LTBP4: variants seen among roughly 807,000 people sequenced by gnomAD.
The protein encoded by LTBP4 is latent-transforming growth factor beta-binding protein 4.
LTBP4 carries 93 observed loss-of-function variants against 180.2 expected under a neutral mutation model. That is an observed-to-expected ratio of 0.52 (90% CI 0.44 to 0.61). The LOEUF is 0.61. Ranked by LOEUF, LTBP4 falls within the 20% of genes least tolerant of loss-of-function variation. The probability of loss-of-function intolerance (pLI) is 0.00; values close to 1 mark genes in which losing one functional copy is unlikely to be tolerated. For missense variants in LTBP4, 2,116 were observed against 2,256.5 expected (o/e 0.94, Z 1.26); for synonymous variants, 947 against 934.5 (o/e 1.01, Z -0.24).
intron 11 of LTBP4, 43 bp from the exon 12 acceptor site, chr19:40,610,489 G>A: frequency 6.4e-7 from 1 of 1,561,260 alleles, no homozygotes; most frequent in Admixed American, 1.8e-5. Flanking sequence ...GCTTCTCCCG[G>A]GGCTGTCTGC....
chr19:40,629,723 T>C lies in LTBP4; in HGVS notation c.*173T>C. 1 of 566,390 alleles carries C rather than the reference T, an allele frequency of 1.8e-6. No individual in the cohort carries two copies. Among genetic ancestry groups the C allele is most frequent in the Non-Finnish European group, 2.6e-6 (1 of 386,028 alleles). 35.1% of individuals were successfully genotyped at this position (566,390 alleles called of 1,614,324 possible). A position where few individuals can be genotyped will look rare whatever the true frequency, so the allele number is the denominator to read the frequency against. On this transcript the variant is annotated 3_prime_UTR_variant, in exon 30 of 30. Transcript: ENST00000396819. This position sits in a 1 kb window ranked among gnomAD's most constrained non-coding sequence, Gnocchi z 4.5. ...CACTGCTCCCGCCTCCACCAGCGCCTCCCACTGATGTCGTGGTCCCGGGCC... is the reference window on the plus strand; with the variant it reads ...CACTGCTCCCGCCTCCACCAGCGCCCCCCACTGATGTCGTGGTCCCGGGCC...
At chr19:40,593,177 A>G in exon 1 of LTBP4, 1 of 1,613,852 alleles carries the variant, frequency 6.2e-7, no homozygotes, top group Non-Finnish European at 8.5e-7. Flanking sequence ...TGGGAGACGT[A>G]AAAGGTGAGT....
rs773333742 is a variant in LTBP4 at position 40,606,484 on chromosome 19, C to T, written c.949C>T (p.Pro317Ser). The change falls in exon 6 of 30, where the codon CCC (proline) becomes TCC (serine). Residue 317 changes from proline to serine, a missense_variant. Physicochemically the swap from Pro to Ser is moderately conservative, Grantham distance 74. Around this residue, in one of 5 missense-constraint regions of LTBP4, gnomAD observed 469 missense variants for 532.5 expected, o/e 0.88. Coordinates refer to ENST00000396819, the MANE Select transcript of LTBP4 (RefSeq NM_001042545.2). ...NTRGGYTCVC[P>S]DGFLLDSSRS... ...GCGCGGCGGGTACACGTGTGTGTGCCCCGACGGCTTTCTGCTCGACTCGTC... is the reference window on the plus strand; with the variant it reads ...GCGCGGCGGGTACACGTGTGTGTGCTCCGACGGCTTTCTGCTCGACTCGTC... 5 of 1,578,356 alleles carry T rather than the reference C, an allele frequency of 3.2e-6. No homozygotes were observed. In the South Asian group the frequency reaches 5.8e-5, roughly 18 times the overall value.
upstream of LTBP4, among the ~76,000 whole-genome samples, chr19:40,598,937 A>AT (rs747063187): frequency 5.3e-5 from 8 of 152,260 alleles, no homozygotes; most frequent in South Asian, 2.1e-4. Context: ...AAAATAACGT[A>AT]TTTTTTCAAT....
At chr19:40,625,305 TATATA>T (rs2081624130) in intron 26 of LTBP4, among the ~76,000 whole-genome samples, 5 of 28,926 alleles carry the variant, frequency 1.7e-4, no homozygotes, top group Non-Finnish European at 2.7e-4. Flanking sequence ...TATATATATA[TATATA>T]TATATATTTT....
At chr19:40,594,716 G>A (rs914114418) in intron 1 of LTBP4, among the ~76,000 whole-genome samples, 1 of 152,158 alleles carries the variant, frequency 6.6e-6, no homozygotes, top group Non-Finnish European at 1.5e-5. Flanking sequence ...GAGTGTGAGT[G>A]CCGTCGTCAC....
chr19:40,619,532 C>G, intron 22 of LTBP4, 39 bp downstream of exon 22: 1 of 1,558,596 alleles, frequency 6.4e-7, no homozygotes, highest in Non-Finnish European at 8.7e-7. Context: ...GGCGGCTGGC[C>G]CCATGGGAAA....
rs1055319617 is a variant in LTBP4 at position 40,609,448 on chromosome 19, T to G, written c.1427-82T>G. ...CATCCATGAAGGTGTTTTATGGATGTCTCCGGGGGTGGGGGTTTTACTGGG... is the reference window on the plus strand; with the variant it reads ...CATCCATGAAGGTGTTTTATGGATGGCTCCGGGGGTGGGGGTTTTACTGGG... On this transcript the variant is annotated intron_variant, in intron 9 of 29. Transcript: ENST00000396819. The surrounding 1 kb of genome is among the most constrained non-coding windows in gnomAD (Gnocchi z 4.9). 21 of 1,549,210 alleles carry G rather than the reference T, an allele frequency of 1.4e-5. No homozygotes were observed. In the Admixed American group the frequency reaches 3.0e-4, roughly 22 times the overall value.
At chr19:40,625,300 ATATATATATATATATATTTT>A (rs1568414566) in intron 26 of LTBP4, among the ~76,000 whole-genome samples, 1 of 11,520 alleles carries the variant, frequency 8.7e-5, no homozygotes, top group Admixed American at 8.7e-4. Flanking sequence ...ATATATATAT[ATATATATATATATATATTTT>A]TTTTTTTAAA....
In LTBP4 at chr19:40,622,797, C is replaced by T; in HGVS notation, c.3484+130C>T. ...CTAGTACTGTCAGGGCAAGGGCGAGCTGCCAGGCAGGTGGGCATGGGCAGA... is the reference window on the plus strand; with the variant it reads ...CTAGTACTGTCAGGGCAAGGGCGAGTTGCCAGGCAGGTGGGCATGGGCAGA... On this transcript the variant is annotated intron_variant, in intron 23 of 29. Transcript: ENST00000396819. The surrounding 1 kb of genome is among the most constrained non-coding windows in gnomAD (Gnocchi z 5.1). The T allele has an allele frequency of 7.1e-7, 1 of 1,418,020 alleles. No homozygotes were observed. The highest frequency in any genetic ancestry group is 9.5e-7 in the Non-Finnish European group (1 of 1,055,866). 87.8% of individuals were successfully genotyped at this position (1,418,020 alleles called of 1,614,324 possible).
At chr19:40,597,371 G>T (rs1274603009), upstream of LTBP4, 5 of 1,515,138 alleles carry the variant, frequency 3.3e-6, no homozygotes, top group Non-Finnish European at 4.4e-6. Flanking sequence ...GTCCCCAGCC[G>T]CCCGGCCAGG....
intron 24 of LTBP4, 38 bp from the exon 25 acceptor site, chr19:40,623,566 C>T (rs1401615385): frequency 6.3e-7 from 1 of 1,595,986 alleles, no homozygotes; most frequent in Non-Finnish European, 8.5e-7. Flanking sequence ...CTCCACCCAT[C>T]CAGCCCGCCC....
rs372312814 is a variant in LTBP4, at chr19:40,613,994, G to A, written c.2636G>A (p.Cys879Tyr). Residue 879 changes from cysteine to tyrosine, a missense_variant, in exon 18 of 30, where the codon TGT becomes TAT. By Grantham distance (194) the Cys-to-Tyr change is radical. Transcript: ENST00000396819. This position sits in a 1 kb window ranked among gnomAD's most constrained non-coding sequence, Gnocchi z 5.0. ...TNTDGSFECI[C>Y]PPGHRAGPDL... is the part of the protein sequence containing the mutation. ...ACCGACGGCTCCTTCGAGTGCATCT[G>A]TCCTCCGGGACACCGCGCTGGCCCG... is the stretch of plus-strand genomic sequence containing the variant. 6.2e-7 allele frequency: 1 copy of A among 1,613,488 alleles called. No individual in the cohort carries two copies. The highest frequency in any genetic ancestry group is 8.5e-7 in the Non-Finnish European group (1 of 1,179,806).
In LTBP4 at chr19:40,609,655, T is replaced by G. The variant is rs1422482810; in HGVS notation, c.1552T>G (p.Cys518Gly). The G allele has an allele frequency of 6.2e-7, 1 of 1,613,148 alleles. No individual in the cohort carries two copies. Among genetic ancestry groups the G allele is most frequent in the Non-Finnish European group, 8.5e-7 (1 of 1,179,736 alleles). ...GFRLSPQGTR[C>G]IDVDECRRVP... ...CCGGCTCAGCCCCCAGGGCACCCGA[T>G]GCATTGGTGAGCAAGACGGAGGGCG... Residue 518 changes from cysteine to glycine, a missense_variant, in exon 10 of 30, where the codon TGC becomes GGC. Cys to Gly is a radical substitution (Grantham distance 159). This residue lies in a region of LTBP4 where 877 missense variants were observed against 873.6 expected (regional missense o/e 1.00). Transcript: ENST00000396819. The surrounding 1 kb of genome is among the most constrained non-coding windows in gnomAD (Gnocchi z 4.9).
In LTBP4 at chr19:40,610,637, C is replaced by A. The variant is rs769044873; in HGVS notation, c.1790C>A (p.Pro597Gln). 7.6e-6 allele frequency: 12 copies of A among 1,582,852 alleles called. No individual in the cohort carries two copies. Among genetic ancestry groups the A allele is most frequent in the African/African-American group, 4.0e-5 (3 of 74,598 alleles). ...CVCPAGYQAA[P>Q]HGASCQDVDE... ...TGCCCCGCCGGGTACCAGGCTGCAC[C>A]GCACGGAGCCAGCTGCCAGGGTGAG... Residue 597 changes from proline to glutamine, a missense_variant, in exon 12 of 30, where the codon CCG becomes CAG. Physicochemically the swap from Pro to Gln is moderately conservative, Grantham distance 76. This residue lies in a region of LTBP4 where 877 missense variants were observed against 873.6 expected (regional missense o/e 1.00). Coordinates refer to ENST00000396819, the MANE Select transcript of LTBP4 (RefSeq NM_001042545.2).
chr19:40,626,247 C>T (rs940997542), intron 27 of LTBP4, among the ~76,000 whole-genome samples: 2 of 152,134 alleles, frequency 1.3e-5, no homozygotes, highest in South Asian at 2.1e-4. Context: ...ACCAGACCCA[C>T]AGGCCCCTGA....
chr19:40,602,981 G>T (rs2081434844), intron 1 of LTBP4, among the ~76,000 whole-genome samples: 1 of 151,936 alleles, frequency 6.6e-6, no homozygotes, highest in African/African-American at 2.4e-5. Context: ...TCAATTAAAA[G>T]CCCCCATTAG....
intron 19 of LTBP4, among the ~76,000 whole-genome samples, chr19:40,615,104 C>T (rs1319222817): frequency 6.6e-6 from 1 of 151,260 alleles, no homozygotes; most frequent in African/African-American, 2.4e-5. Flanking sequence ...TTCCCTCCCG[C>T]CCCGCTCTTT....
chr19:40,605,764 G>A lies in LTBP4; in HGVS notation c.726G>A (p.Glu242=), dbSNP rs1431465282. The part of the protein sequence containing the change: ...ASPLPGLRTQ[E]VCCRGAGLAW... ...CGCTGCCCGGGCTCCGGACGCAGGA[G>A]GTCTGCTGCCGAGGGGCCGGCTTGG... Residue 242 remains glutamate (E), a synonymous_variant, in exon 4 of 30, where the codon GAG becomes GAA. Transcript: ENST00000396819. The surrounding 1 kb of genome is among the most constrained non-coding windows in gnomAD (Gnocchi z 5.5). 1 of 1,543,836 alleles carries A rather than the reference G, an allele frequency of 6.5e-7. No individual in the cohort carries two copies. The highest frequency in any genetic ancestry group is 2.4e-5 in the East Asian group (1 of 40,904).
Sources: allele counts gnomAD v4.1 joint callset (sites outside exome capture counted in the v4.1 genomes callset), GRCh38; gene constraint gnomAD v4.1.1; regional missense constraint gnomAD v4.1.1; non-coding constraint Gnocchi (gnomAD v3.1); transcripts MANE v1.5; gene names NCBI Gene and HGNC (gene_info 2026-07-23, HGNC 2026-07-21).